The following MIB1 variants were observed in gnomAD, a reference collection of about 807,000 sequenced individuals.
The protein encoded by MIB1 is MIB E3 ubiquitin protein ligase 1.
MIB1 carries 278 observed loss-of-function variants against 124.5 expected under a neutral mutation model. That is an observed-to-expected ratio of 2.23 (90% CI 2.02 to 2.47). The LOEUF (loss-of-function observed/expected upper bound fraction) is 2.47. Among genes scored for constraint, MIB1 ranks in the 30% most tolerant of loss-of-function variants. The pLI, the probability that MIB1 is intolerant of heterozygous loss-of-function variation, is 0.00. For synonymous variants in MIB1, 446 were observed against 429.4 expected (o/e 1.04, Z -0.48); for missense variants, 957 against 1,254.4 (o/e 0.76, Z 3.58).
intron 15 of MIB1, 47 bp from the exon 16 acceptor site, chr18:21,846,897 A>G: frequency 6.4e-7 from 1 of 1,567,088 alleles, no homozygotes; most frequent in Non-Finnish European, 8.8e-7. Context: ...ACAAGAATTG[A>G]TGGCAGATTC....
chr18:21,859,237 G>A (rs74530679), intron 20 of MIB1, among the ~76,000 whole-genome samples: 9,451 of 151,756 alleles, frequency 0.062, 325 homozygotes, highest in Middle Eastern at 0.13. Context: ...TAGTGAGACC[G>A]CAACTCTACA....
At chr18:21,818,363 T>C (rs2041849330) in intron 11 of MIB1, among the ~76,000 whole-genome samples, 1 of 152,232 alleles carries the variant, frequency 6.6e-6, no homozygotes, top group Non-Finnish European at 1.5e-5. Flanking sequence ...TTCATTGTTA[T>C]GGTGTAGGTT....
At chr18:21,849,107 A>G (rs2042159935) in intron 16 of MIB1, 89 bp from the exon 17 acceptor site, 2 of 827,762 alleles carry the variant, frequency 2.4e-6, no homozygotes, top group Non-Finnish European at 1.8e-6. Flanking sequence ...TTTTATGTAT[A>G]CTAATGATGC....
intron 4 of MIB1, among the ~76,000 whole-genome samples, chr18:21,775,422 A>G (rs758260015): frequency 6.6e-6 from 1 of 152,120 alleles, no homozygotes; most frequent in African/African-American, 2.4e-5. Context: ...AAAAATTTTT[A>G]GTAGAAATAG....
rs2042196777 is a variant in MIB1, at chr18:21,853,222, A to G, written c.2665+4A>G. 1.3e-6 allele frequency: 2 copies of G among 1,596,764 alleles called. No individual in the cohort carries two copies. Among genetic ancestry groups the G allele is most frequent in the Non-Finnish European group, 1.7e-6 (2 of 1,164,758 alleles). On this transcript the variant is annotated splice_donor_region_variant and intron_variant, in intron 18 of 20. Transcript: ENST00000261537. The stretch of plus-strand genomic sequence containing the variant: ...GGCCACATGTGTGCTTGTGAGAGTA[A>G]GTAGCCTATGCAGAGTTCCTCAATA...
chr18:21,706,150 C>T (rs1404874579), intron 1 of MIB1, among the ~76,000 whole-genome samples: 1 of 152,228 alleles, frequency 6.6e-6, no homozygotes, highest in South Asian at 2.1e-4. Flanking sequence ...GGCGAGATCT[C>T]GGGTCACTGC....
At chr18:21,797,850 A>G (rs982381449) in intron 7 of MIB1, among the ~76,000 whole-genome samples, 6 of 152,076 alleles carry the variant, frequency 3.9e-5, no homozygotes, top group African/African-American at 1.4e-4. Context: ...TATGAATAGG[A>G]TAGACTTTAT....
intron 18 of MIB1, 94 bp downstream of exon 18, chr18:21,853,312 G>T: frequency 1.1e-6 from 1 of 904,526 alleles, no homozygotes; most frequent in East Asian, 2.6e-5. Context: ...TTTTGATTTT[G>T]GATAACTCAT....
At chr18:21,717,677 A>G (rs1240559701) in intron 1 of MIB1, among the ~76,000 whole-genome samples, 5 of 152,228 alleles carry the variant, frequency 3.3e-5, no homozygotes, top group Non-Finnish European at 5.9e-5. Flanking sequence ...AGGGAAATGC[A>G]AATCAAAAAC....
At chr18:21,749,857 G>T (rs1001792580) in intron 1 of MIB1, among the ~76,000 whole-genome samples, 12 of 151,742 alleles carry the variant, frequency 7.9e-5, no homozygotes, top group Non-Finnish European at 1.2e-4. Flanking sequence ...GGTCAGGCTG[G>T]TCTCGAACTC....
intron 6 of MIB1, among the ~76,000 whole-genome samples, chr18:21,784,454 G>A (rs1479422167): frequency 6.6e-6 from 1 of 152,022 alleles, no homozygotes; most frequent in African/African-American, 2.4e-5. Flanking sequence ...TAGTTGCCAA[G>A]GCAAGAGACC....
At chr18:21,732,351 T>TACACACACACACACACAC (rs59731612) in intron 1 of MIB1, among the ~76,000 whole-genome samples, 7 of 141,056 alleles carry the variant, frequency 5.0e-5, no homozygotes, top group East Asian at 4.2e-4. Context: ...ATTATATGTA[T>TACACACACACACACACAC]ACACACACAC....
At chr18:21,734,974 A>C (rs1029193508) in intron 1 of MIB1, among the ~76,000 whole-genome samples, 1 of 152,258 alleles carries the variant, frequency 6.6e-6, no homozygotes, top group East Asian at 1.9e-4. Flanking sequence ...CACATTTTCC[A>C]TGAACATTTT....
intron 1 of MIB1, among the ~76,000 whole-genome samples, chr18:21,757,422 A>G (rs1306752323): frequency 8.9e-6 from 1 of 111,732 alleles, no homozygotes; most frequent in South Asian, 3.6e-4. Flanking sequence ...ACCGCTCTCC[A>G]GCCTGGGCTA....
rs573676704 is a variant in MIB1, at chr18:21,868,603, T to C, written c.*3937T>C. ...TAAATTATGTGTGCCTTGTTGGAAG[T>C]GTCAACTGTCTTTATGTCTGCTTGT... On this transcript the variant is annotated 3_prime_UTR_variant, in exon 21 of 21. Coordinates refer to ENST00000261537, the MANE Select transcript of MIB1 (RefSeq NM_020774.4). 1.0e-4 allele frequency: 16 copies of C among 152,594 alleles called. No individual in the cohort carries two copies. The East Asian group carries it at 3.1e-3, about 29-fold the overall frequency. 9.5% of individuals were successfully genotyped at this position (152,594 alleles called of 1,614,324 possible). A position where few individuals can be genotyped will look rare whatever the true frequency, so the allele number is the denominator to read the frequency against.
At position 21,740,884 on chromosome 18, in the gene MIB1, G is replaced by T. The variant is rs79066258; in HGVS notation, c.-700G>T. On this transcript the variant is annotated 5_prime_UTR_variant, in exon 1 of 21. Transcript: ENST00000261537. Reference sequence around the variant, plus strand: ...CTGGAAGCCTTCCCACTCTATTATTGCCGAGGATCCCCCTCCTAGACACTC... The same window carrying T: ...CTGGAAGCCTTCCCACTCTATTATTTCCGAGGATCCCCCTCCTAGACACTC... Among the ~76,000 whole-genome samples, 38 of 152,364 alleles carry T rather than the reference G, an allele frequency of 2.5e-4. No homozygotes were observed. The highest frequency in any genetic ancestry group is 9.1e-4 in the African/African-American group (38 of 41,604).
intron 1 of MIB1, among the ~76,000 whole-genome samples, chr18:21,719,519 A>G (rs1418807228): frequency 6.6e-6 from 1 of 151,940 alleles, no homozygotes; most frequent in Non-Finnish European, 1.5e-5. Flanking sequence ...CGATCTCTGC[A>G]CACTGCAACC....
In MIB1 at chr18:21,779,540, G is replaced by T; in HGVS notation, c.763G>T (p.Asp255Tyr). Residue 255 changes from aspartate to tyrosine, a missense_variant, in exon 6 of 21, where the codon GAT becomes TAT. Coordinates refer to ENST00000261537, the MANE Select transcript of MIB1 (RefSeq NM_020774.4). The stretch of plus-strand genomic sequence containing the variant: ...GCAGATTGGTGACCTGGTAAATATA[G>T]ATCTCGACCTCGAAATTGTACAGTC... ...GLQIGDLVNI[D>Y]LDLEIVQSLQ... is the part of the protein sequence containing the mutation. 1 of 1,614,114 alleles carries T rather than the reference G, an allele frequency of 6.2e-7. No individual in the cohort carries two copies.
chr18:21,737,057 C>T (rs2040799686), upstream of MIB1, among the ~76,000 whole-genome samples: 1 of 152,134 alleles, frequency 6.6e-6, no homozygotes, highest in Admixed American at 6.5e-5. Flanking sequence ...CCCTAAGACA[C>T]ATAATCATCA....
Sources: allele counts gnomAD v4.1 joint callset (sites outside exome capture counted in the v4.1 genomes callset), GRCh38; gene constraint gnomAD v4.1.1; transcripts MANE v1.5; gene names NCBI Gene and HGNC (gene_info 2026-07-23, HGNC 2026-07-21).